The following RAD51B variants were observed in gnomAD, a reference collection of about 807,000 sequenced individuals.
RAD51B encodes DNA repair protein RAD51 homolog 2.
RAD51B carries 38 observed loss-of-function variants against 42.2 expected under a neutral mutation model. That is an observed-to-expected ratio of 0.90 (90% CI 0.70 to 1.18). The LOEUF is 1.18. Ranked by LOEUF, RAD51B falls within the 50% of genes most tolerant of loss-of-function variation. The pLI, the probability that RAD51B is intolerant of heterozygous loss-of-function variation, is 0.00. For synonymous variants in RAD51B, 154 were observed against 145.2 expected, an observed-to-expected ratio of 1.06 and a Z score of -0.43; for missense variants, 373 against 400.7, an observed-to-expected ratio of 0.93 and a Z score of 0.59.
chr14:67,823,108 C>T (rs187867278), intron 1 of RAD51B, among the ~76,000 whole-genome samples: 44 of 152,224 alleles, frequency 2.9e-4, no homozygotes, highest in African/African-American at 9.2e-4. Flanking sequence ...TACCTATTGC[C>T]GTTACAGTGC....
intron 10 of RAD51B, among the ~76,000 whole-genome samples, chr14:68,650,352 G>A (rs1892675376): frequency 6.6e-6 from 1 of 152,144 alleles, no homozygotes; most frequent in South Asian, 2.1e-4. Flanking sequence ...GGATCTTATA[G>A]AACACAGAAA....
chr14:68,455,108 C>T (rs1208747345), intron 9 of RAD51B, among the ~76,000 whole-genome samples: 1 of 152,212 alleles, frequency 6.6e-6, no homozygotes, highest in African/African-American at 2.4e-5. Context: ...TTAAGGAAAT[C>T]TGTCATGTCA....
intron 7 of RAD51B, among the ~76,000 whole-genome samples, chr14:67,904,731 G>A (rs561585097): frequency 5.9e-4 from 90 of 151,698 alleles, no homozygotes; most frequent in African/African-American, 2.1e-3. Flanking sequence ...AGAAATGTCT[G>A]TTTATGTCCT....
intron 7 of RAD51B, among the ~76,000 whole-genome samples, chr14:68,151,807 A>G (rs2078389600): frequency 7.6e-6 from 1 of 131,836 alleles, no homozygotes; most frequent in Non-Finnish European, 1.6e-5. Context: ...TCAAACATGG[A>G]CTATAGTTAT....
intron 7 of RAD51B, among the ~76,000 whole-genome samples, chr14:68,001,686 C>T (rs1481497682): frequency 6.6e-6 from 1 of 152,118 alleles, no homozygotes; most frequent in Admixed American, 6.5e-5. Flanking sequence ...CTTCCTGATG[C>T]TCTCCCTCTT....
intron 1 of RAD51B, among the ~76,000 whole-genome samples, chr14:67,821,357 T>C (rs190704647): frequency 2.0e-5 from 3 of 152,208 alleles, no homozygotes; most frequent in South Asian, 2.1e-4. Context: ...AGAAACAATA[T>C]GCAATAGTCC....
chr14:68,146,167 A>T (rs992950259), intron 7 of RAD51B, among the ~76,000 whole-genome samples: 1 of 152,188 alleles, frequency 6.6e-6, no homozygotes, highest in African/African-American at 2.4e-5. Context: ...AAGAAAGTTT[A>T]GGCTGGGCGT....
chr14:68,060,775 A>G (rs2076554934), intron 7 of RAD51B, among the ~76,000 whole-genome samples: 2 of 152,218 alleles, frequency 1.3e-5, no homozygotes, highest in Admixed American at 1.3e-4. Flanking sequence ...TCTAATTAGC[A>G]TTTCCTATTG....
intron 7 of RAD51B, among the ~76,000 whole-genome samples, chr14:67,974,469 C>T (rs989314371): frequency 1.3e-5 from 2 of 151,994 alleles, no homozygotes; most frequent in African/African-American, 4.8e-5. Flanking sequence ...TTTGGAGGAA[C>T]TTATACTGTA....
chr14:68,457,225 C>T (rs1403664145), intron 9 of RAD51B, among the ~76,000 whole-genome samples: 2 of 151,052 alleles, frequency 1.3e-5, no homozygotes, highest in Non-Finnish European at 3.0e-5. Context: ...GGGATGAAAT[C>T]GATAATCAGT....
At chr14:68,286,578 A>T (rs543939077) in intron 7 of RAD51B, among the ~76,000 whole-genome samples, 15 of 152,100 alleles carry the variant, frequency 9.9e-5, no homozygotes, top group Non-Finnish European at 2.1e-4. Flanking sequence ...AGTGCTATCC[A>T]ATTTTCTCTT....
At chr14:68,476,453 T>G (rs2140250999) in intron 10 of RAD51B, among the ~76,000 whole-genome samples, 1 of 152,206 alleles carries the variant, frequency 6.6e-6, no homozygotes, top group African/African-American at 2.4e-5. Context: ...ACGTTGAGAG[T>G]CAAGAGTTCA....
At chr14:68,605,129 T>C (rs1202322435) in intron 10 of RAD51B, among the ~76,000 whole-genome samples, 1 of 152,134 alleles carries the variant, frequency 6.6e-6, no homozygotes, top group African/African-American at 2.4e-5. Flanking sequence ...CAAGTTTTAC[T>C]TAAAATAACA....
At chr14:68,610,959 TAA>T (rs749555982) in intron 10 of RAD51B, 6 of 692,740 alleles carry the variant, frequency 8.7e-6, no homozygotes, top group Non-Finnish European at 1.3e-5. Context: ...ACATCTTTAA[TAA>T]AAGTTTGTTG....
At chr14:68,657,032 T>C (rs1274184263) in intron 11 of RAD51B, among the ~76,000 whole-genome samples, 1 of 152,214 alleles carries the variant, frequency 6.6e-6, no homozygotes, top group African/African-American at 2.4e-5. Context: ...CCTTTGACTT[T>C]CTACATAGAA....
chr14:68,657,891 C>G (rs1402235460), intron 11 of RAD51B, among the ~76,000 whole-genome samples: 3 of 152,232 alleles, frequency 2.0e-5, no homozygotes, highest in Admixed American at 6.5e-5. Context: ...AGGACATCTC[C>G]TGCCCTGGAG....
At chr14:68,411,127 T>C (rs1376328200) in intron 8 of RAD51B, among the ~76,000 whole-genome samples, 3 of 152,266 alleles carry the variant, frequency 2.0e-5, no homozygotes, top group Non-Finnish European at 2.9e-5. Context: ...TGGCTAGATT[T>C]ACTAGTAGCA....
In RAD51B at chr14:68,143,227, C is replaced by A. The variant is rs932409978; in HGVS notation, c.757-148657C>A. 2.0e-5 allele frequency among the ~76,000 whole-genome samples: 3 copies of A among 152,134 alleles called. No homozygotes were observed. The East Asian group carries it at 5.8e-4, about 29-fold the overall frequency. On this transcript the variant is annotated intron_variant, in intron 7 of 10. Transcript: ENST00000471583. The stretch of plus-strand genomic sequence containing the variant: ...CATCTGTAAAATCAGTCTGATCAGG[C>A]TGGGTTAGATGATCTCCAAGGTCTT...
intron 10 of RAD51B, among the ~76,000 whole-genome samples, chr14:68,573,660 G>A (rs145994286): frequency 6.6e-6 from 1 of 152,320 alleles, no homozygotes; most frequent in East Asian, 1.9e-4. Flanking sequence ...CTTGACCACT[G>A]CTACGTATCC....
Sources: allele counts gnomAD v4.1 joint callset (sites outside exome capture counted in the v4.1 genomes callset), GRCh38; gene constraint gnomAD v4.1.1; transcripts MANE v1.5; gene names NCBI Gene and HGNC (gene_info 2026-07-23, HGNC 2026-07-21).